Variants in POLE observed in about 807,000 individuals in gnomAD.
The protein encoded by POLE is DNA polymerase epsilon catalytic subunit A.
In POLE, 188 loss-of-function variants were observed where a neutral mutation model predicts 279.2. The ratio of observed to expected loss-of-function variants is 0.67; its 90% CI spans 0.60 to 0.76. POLE has a LOEUF of 0.76. Among genes scored for constraint, POLE ranks in the 30% least tolerant of loss-of-function variants. The probability of loss-of-function intolerance (pLI) is 0.00; values close to 1 mark genes in which losing one functional copy is unlikely to be tolerated. For missense variants in POLE, 2,703 were observed against 3,016.7 expected (o/e 0.90, Z 2.44); for synonymous variants, 1,214 against 1,172.5 (o/e 1.04, Z -0.72).
intron 15 of POLE, 40 bp downstream of exon 15, chr12:132,672,587 C>A (rs1475878108): frequency 1.3e-6 from 2 of 1,593,226 alleles, no homozygotes; most frequent in South Asian, 2.2e-5. Context: ...TACCACAGCA[C>A]AAGAGTGGGA....
rs878854894 is a variant in POLE, at chr12:132,625,751, T to C, written c.6551A>G (p.Gln2184Arg). 1 of 1,612,104 alleles carries C rather than the reference T, an allele frequency of 6.2e-7. No individual in the cohort carries two copies. The highest frequency in any genetic ancestry group is 1.3e-5 in the African/African-American group (1 of 75,052). ...CGCCTGACAGTTGGAGCAGAGCCAC[T>C]GAGGCAGGACCGCCCCATCCTAGGC... ...SFSEDGAVLP[Q>R]WLCSNCQAPY... The change falls in exon 47 of 49, where the codon CAG becomes CGG. Residue 2184 changes from glutamine (Q) to arginine (R), a missense_variant. Coordinates refer to ENST00000320574, the MANE Select transcript of POLE (RefSeq NM_006231.4).
At chr12:132,626,799 G>C (rs997200183) in intron 45 of POLE, among the ~76,000 whole-genome samples, 3 of 152,156 alleles carry the variant, frequency 2.0e-5, no homozygotes, top group African/African-American at 7.2e-5. Flanking sequence ...AAGATGATTC[G>C]ATAGAAAAAG....
chr12:132,635,847 G>A (rs375779857), intron 42 of POLE, 45 bp downstream of exon 42: 50 of 1,575,598 alleles, frequency 3.2e-5, no homozygotes, highest in East Asian at 2.3e-4. Context: ...AGGAATGAAC[G>A]CGACCCCCAA....
At chr12:132,644,095 C>T in intron 32 of POLE, 118 bp from the exon 33 acceptor site, 1 of 937,284 alleles carries the variant, frequency 1.1e-6, no homozygotes, top group Non-Finnish European at 1.6e-6. Context: ...CGACGGGGTA[C>T]ACCCACCACG....
intron 16 of POLE, among the ~76,000 whole-genome samples, chr12:132,669,914 C>G (rs1040533821): frequency 6.6e-6 from 1 of 152,174 alleles, no homozygotes; most frequent in Non-Finnish European, 1.5e-5. Context: ...GCTAACAGGA[C>G]AATGTCATCT....
At chr12:132,685,836 T>C (rs2043247005) in intron 1 of POLE, among the ~76,000 whole-genome samples, 1 of 152,104 alleles carries the variant, frequency 6.6e-6, no homozygotes, top group South Asian at 2.1e-4. Context: ...TTTGTTCAGC[T>C]AAGTGTCTGT....
intron 47 of POLE, 104 bp downstream of exon 47, chr12:132,625,541 A>C: frequency 6.9e-7 from 1 of 1,441,410 alleles, no homozygotes; most frequent in Non-Finnish European, 9.6e-7. Flanking sequence ...CTTGGAAGAC[A>C]CCAGGGCGTG....
In POLE at chr12:132,643,340, G is replaced by A. The variant is rs1057522514; in HGVS notation, c.4445-10C>T. The stretch of plus-strand genomic sequence containing the variant: ...ATATGGCGGATACTCCCTGGAGAAG[G>A]AAACAAGACCGTCACCCCAGATGTG... On this transcript the variant is annotated splice_polypyrimidine_tract_variant and intron_variant, in intron 34 of 48. Coordinates refer to ENST00000320574, the MANE Select transcript of POLE (RefSeq NM_006231.4). 3.7e-6 allele frequency: 6 copies of A among 1,614,020 alleles called. No individual in the cohort carries two copies. Among genetic ancestry groups the A allele is most frequent in the Non-Finnish European group, 5.1e-6 (6 of 1,180,024 alleles).
chr12:132,637,613 C>T (rs909297986), intron 41 of POLE, among the ~76,000 whole-genome samples: 14 of 152,194 alleles, frequency 9.2e-5, no homozygotes, highest in African/African-American at 2.9e-4. Context: ...CCTGAGCACC[C>T]GGGAACCACA....
rs1370922829 is a variant in POLE at position 132,624,743 on chromosome 12, T to C, written c.6815A>G (p.Glu2272Gly). 6.2e-7 allele frequency: 1 copy of C among 1,613,498 alleles called. No homozygotes were observed. Among genetic ancestry groups the C allele is most frequent in the East Asian group, 2.2e-5 (1 of 44,872 alleles). Reference protein sequence around the residue: ...AQHYGMSYLLETLEWLLQKNP... With the variant: ...AQHYGMSYLLGTLEWLLQKNP... ...CTTCTGCAGCAGCCACTCCAGGGTCTCCAGGAGGTACGACATGCCGTAGTG... is the reference window on the plus strand; with the variant it reads ...CTTCTGCAGCAGCCACTCCAGGGTCCCCAGGAGGTACGACATGCCGTAGTG... Residue 2272 changes from glutamate (E) to glycine (G), a missense_variant, in exon 49 of 49, where the codon GAG (glutamate) becomes GGG (glycine). This residue lies in a region of POLE where 1,551 missense variants were observed against 1,686.1 expected (regional missense o/e 0.92). Transcript: ENST00000320574.
Position 132,664,175 on chromosome 12 carries a change from G to T in POLE, c.2562-27C>A, listed in dbSNP as rs200887843. 3.7e-6 allele frequency: 6 copies of T among 1,611,884 alleles called. No individual in the cohort carries two copies. The highest frequency in any genetic ancestry group is 1.7e-4 in the Middle Eastern group (1 of 5,926). On this transcript the variant is annotated intron_variant, in intron 22 of 48. Transcript: ENST00000320574. This position sits in a 1 kb window ranked among gnomAD's most constrained non-coding sequence, Gnocchi z 5.3. Reference sequence around the variant, plus strand: ...TTCAGAGAAAGAGAGGAGCAAGGTCGTGAGTTCCCCTTTCCTTTTCACCCA... The same window carrying T: ...TTCAGAGAAAGAGAGGAGCAAGGTCTTGAGTTCCCCTTTCCTTTTCACCCA...
intron 41 of POLE, among the ~76,000 whole-genome samples, chr12:132,636,441 G>GAAAAAAAAAAA (rs60289510): frequency 2.2e-5 from 1 of 44,446 alleles, no homozygotes; most frequent in African/African-American, 1.0e-4. Flanking sequence ...TCCATTTAAG[G>GAAAAAAAAAAA]AAAAAAAAAA....
rs1357828637 is a variant in POLE at position 132,668,521 on chromosome 12, G to A, written c.2027-19C>T. ...GCTGGCACTGGGAAGGAGGCAATGG[G>A]GGCAAGTTCAAAAGGAGGCACAGAC... On this transcript the variant is annotated intron_variant, in intron 18 of 48. Transcript: ENST00000320574. The surrounding 1 kb of genome is among the most constrained non-coding windows in gnomAD (Gnocchi z 4.0). The A allele has an allele frequency of 1.9e-6, 3 of 1,581,412 alleles. No individual in the cohort carries two copies. Among genetic ancestry groups the A allele is most frequent in the Middle Eastern group, 1.7e-4 (1 of 5,910 alleles).
intron 41 of POLE, among the ~76,000 whole-genome samples, chr12:132,636,821 C>T (rs2042044901): frequency 6.6e-6 from 1 of 152,214 alleles, no homozygotes; most frequent in African/African-American, 2.4e-5. Context: ...GAAGGAGGAA[C>T]ATCCTAAATC....
In POLE at chr12:132,632,794, C is replaced by T. The variant is rs146902214; in HGVS notation, c.6006G>A (p.Ala2002=). The part of the protein sequence containing the change: ...CQNYFLMIVS[A]YIVAVYHCMK... ...TGCAGTGGTACACGGCCACGATGTA[C>T]GCTGTGGAGAGGCACACACACCACA... Residue 2002 remains alanine, a splice_region_variant and synonymous_variant, in exon 44 of 49, where the codon GCG becomes GCA. Transcript: ENST00000320574. 180 of 1,603,298 alleles carry T rather than the reference C, an allele frequency of 1.1e-4. 1 individual carries two copies. In the Middle Eastern group the frequency reaches 1.8e-3, roughly 16 times the overall value.
At chr12:132,628,532 A>C (rs1050787282) in intron 45 of POLE, among the ~76,000 whole-genome samples, 3 of 151,962 alleles carry the variant, frequency 2.0e-5, no homozygotes, top group Non-Finnish European at 1.5e-5. Context: ...AATCCCAGCT[A>C]CTTGGGAGGC....
chr12:132,667,745 AC>A, intron 19 of POLE, 97 bp from the exon 20 acceptor site: 1 of 1,293,876 alleles, frequency 7.7e-7, no homozygotes. Context: ...CTTCTACGTC[AC>A]CACAAAGGAG....
chr12:132,663,276 G>A (rs1210098976), intron 23 of POLE, among the ~76,000 whole-genome samples: 1 of 152,210 alleles, frequency 6.6e-6, no homozygotes, highest in Admixed American at 6.5e-5. Flanking sequence ...GCACAGGAGC[G>A]CCACAGTAAG....
chr12:132,660,917 T>C (rs941683414), intron 25 of POLE, 52 bp downstream of exon 25: 1 of 1,460,782 alleles, frequency 6.8e-7, no homozygotes, highest in East Asian at 2.3e-5. Flanking sequence ...GTCCCCTTCT[T>C]GCTTCATCCT....
Sources: gnomAD v4.1 joint callset for allele counts (sites outside exome capture counted in the v4.1 genomes callset) on GRCh38, gnomAD v4.1.1 for gene constraint, gnomAD v4.1.1 regional missense constraint, Gnocchi (gnomAD v3.1) non-coding constraint, MANE v1.5 for transcripts, NCBI Gene and HGNC (gene_info 2026-07-23, HGNC 2026-07-21) for gene names.